DNAH17: variants seen among roughly 807,000 people sequenced by gnomAD.
DNAH17 encodes the protein dynein axonemal heavy chain 17, also known as axonemal beta dynein heavy chain 17.
Under a neutral mutation model 485.6 loss-of-function variants are expected in DNAH17, and 376 were observed. The observed-to-expected ratio is 0.77, with a 90% confidence interval of 0.71 to 0.84. The LOEUF (loss-of-function observed/expected upper bound fraction) is 0.84. Ranked by LOEUF, DNAH17 falls within the 40% of genes least tolerant of loss-of-function variation. The pLI is 0.00. For missense variants in DNAH17, 6,370 were observed against 5,839.3 expected (o/e 1.09, Z -2.96); for synonymous variants, 3,031 against 2,405.9 (o/e 1.26, Z -7.60).
At chr17:78,483,618 G>A (rs970602960) in intron 48 of DNAH17, among the ~76,000 whole-genome samples, 4 of 140,762 alleles carry the variant, frequency 2.8e-5, no homozygotes, top group African/African-American at 8.1e-5. Context: ...CAGCAAGAGC[G>A]AAACTCTGTC....
intron 75 of DNAH17, among the ~76,000 whole-genome samples, chr17:78,429,892 G>A (rs72907438): frequency 0.14 from 21,009 of 152,024 alleles, 1,622 homozygotes; most frequent in Middle Eastern, 0.2. Context: ...AGTAGCTCCC[G>A]TGCCTCCAGG....
At chr17:78,441,025 G>A (rs775593235) in intron 72 of DNAH17, 26 bp downstream of exon 72, 2 of 1,557,402 alleles carry the variant, frequency 1.3e-6, no homozygotes, top group Non-Finnish European at 1.7e-6. Context: ...CCGTCTTTGA[G>A]AACATCACTT....
At chr17:78,531,424 C>T (rs57713956) in intron 20 of DNAH17, among the ~76,000 whole-genome samples, 12,397 of 150,582 alleles carry the variant, frequency 0.082, 673 homozygotes, top group African/African-American at 0.15. Flanking sequence ...CTGCAAGCTC[C>T]GCCTCCTGGG....
intron 31 of DNAH17, among the ~76,000 whole-genome samples, chr17:78,503,407 G>A (rs1468261036): frequency 2.7e-4 from 40 of 148,106 alleles, no homozygotes; most frequent in African/African-American, 9.8e-4. Flanking sequence ...GGATGGTCTC[G>A]ATCTCCTGAC....
At chr17:78,530,784 G>T (rs528657124) in intron 20 of DNAH17, among the ~76,000 whole-genome samples, 23 of 152,200 alleles carry the variant, frequency 1.5e-4, no homozygotes, top group Non-Finnish European at 3.2e-4. Context: ...CTGAAGCTGG[G>T]TAGGACAGAA....
intron 25 of DNAH17, among the ~76,000 whole-genome samples, chr17:78,523,136 A>C (rs1378437016): frequency 6.9e-6 from 1 of 145,648 alleles, no homozygotes; most frequent in Non-Finnish European, 1.5e-5. Context: ...GATTATAGGC[A>C]TGAGCCACTA....
rs1226337189 is a variant in DNAH17 at position 78,494,751 on chromosome 17, C to T, written c.6112G>A (p.Asp2038Asn). ...ACCTGGTCCTCTGCCCGGCTGGGGT[C>T]GCCCCTCTTCAGGGAGCCGGCCACC... ...LVVAGSLKRG[D>N]PSRAEDQVLM... Residue 2038 changes from aspartate to asparagine, a missense_variant, in exon 40 of 81, where the codon GAC (aspartate) becomes AAC (asparagine). By Grantham distance (23) the Asp-to-Asn change is conservative. Transcript: ENST00000389840. 1.6e-5 allele frequency: 26 copies of T among 1,613,630 alleles called. No individual in the cohort carries two copies. The highest frequency in any genetic ancestry group is 1.8e-5 in the Non-Finnish European group (21 of 1,179,854).
intron 11 of DNAH17, 90 bp downstream of exon 11, chr17:78,566,524 G>A (rs1291061975): frequency 4.2e-6 from 4 of 956,088 alleles, no homozygotes; most frequent in Non-Finnish European, 6.5e-6. Context: ...ACATGGAGAG[G>A]ATGAAATGGT....
chr17:78,468,894 T>C lies in DNAH17; in HGVS notation c.8512-11A>G. ...AGCAGCGAGGTCAATCTGGACGGAG[T>C]GAGGACACGCTTAGGGGCCTTGGTA... On this transcript the variant is annotated splice_polypyrimidine_tract_variant and intron_variant, in intron 54 of 80. Transcript: ENST00000389840. The C allele has an allele frequency of 6.2e-7, 1 of 1,610,226 alleles. No individual in the cohort carries two copies. The highest frequency in any genetic ancestry group is 8.5e-7 in the Non-Finnish European group (1 of 1,178,578).
intron 54 of DNAH17, among the ~76,000 whole-genome samples, chr17:78,470,178 G>A (rs982063130): frequency 6.7e-6 from 1 of 148,166 alleles, no homozygotes; most frequent in Non-Finnish European, 1.5e-5. Flanking sequence ...GGTTCAAGGA[G>A]TTCTCCTGCC....
chr17:78,430,997 C>T (rs1235882712), intron 75 of DNAH17, among the ~76,000 whole-genome samples: 2 of 152,130 alleles, frequency 1.3e-5, no homozygotes, highest in African/African-American at 4.8e-5. Context: ...CCTCCCACTT[C>T]AGCCTCCCAA....
At chr17:78,463,303 TATTATC>T (rs1159497006) in intron 56 of DNAH17, among the ~76,000 whole-genome samples, 2 of 152,202 alleles carry the variant, frequency 1.3e-5, no homozygotes, top group African/African-American at 2.4e-5. Flanking sequence ...CAGCAGAGCT[TATTATC>T]ATTATCTCTG....
intron 69 of DNAH17, among the ~76,000 whole-genome samples, chr17:78,448,756 G>C (rs1281135159): frequency 6.6e-6 from 1 of 152,188 alleles, no homozygotes; most frequent in Non-Finnish European, 1.5e-5. Context: ...GAGTGGGTTT[G>C]TTACACAAGG....
chr17:78,544,837 G>A (rs1219024707), intron 16 of DNAH17, among the ~76,000 whole-genome samples: 4 of 137,460 alleles, frequency 2.9e-5, no homozygotes, highest in African/African-American at 5.3e-5. Flanking sequence ...TGGGGGTGGT[G>A]GCCACTTTTA....
rs553407485 is a variant in DNAH17 at position 78,459,274 on chromosome 17, A to G, written c.9654-66T>C. On this transcript the variant is annotated intron_variant, in intron 60 of 80. Coordinates refer to ENST00000389840, the MANE Select transcript of DNAH17 (RefSeq NM_173628.4). ...TGCTCTGGCAAAACGGGCCCAGAGAAGCTGAGTGTCTTGCCCAGGGTGGCA... is the reference window on the plus strand; with the variant it reads ...TGCTCTGGCAAAACGGGCCCAGAGAGGCTGAGTGTCTTGCCCAGGGTGGCA... 1.2e-4 allele frequency: 180 copies of G among 1,471,044 alleles called. No individual in the cohort carries two copies. In the African/African-American group the frequency reaches 2.0e-3, roughly 17 times the overall value. The allele number at this position is 1,471,044 out of a possible 1,614,324, so 91.1% of individuals were successfully genotyped here.
chr17:78,571,154 A>AGG (rs2092352175), intron 5 of DNAH17, 121 bp from the exon 6 acceptor site: 10 of 1,268,964 alleles, frequency 7.9e-6, no homozygotes, highest in African/African-American at 3.0e-5. Context: ...TCTCAAGTGG[A>AGG]GGGGGCTGAG....
At chr17:78,550,808 C>G (rs1460232132) in intron 16 of DNAH17, among the ~76,000 whole-genome samples, 2 of 152,156 alleles carry the variant, frequency 1.3e-5, no homozygotes, top group African/African-American at 4.8e-5. Context: ...CTGACCTGGA[C>G]AAGATCATTG....
At chr17:78,467,666 G>A (rs1457742751) in intron 55 of DNAH17, among the ~76,000 whole-genome samples, 2 of 152,162 alleles carry the variant, frequency 1.3e-5, no homozygotes, top group Non-Finnish European at 1.5e-5. Context: ...ACTGAACTCT[G>A]GAGAGGACGG....
intron 27 of DNAH17, among the ~76,000 whole-genome samples, chr17:78,508,794 A>T (rs889810443): frequency 6.6e-6 from 1 of 151,922 alleles, no homozygotes; most frequent in African/African-American, 2.4e-5. Flanking sequence ...TCTATTTTTT[A>T]TTTTTATTTT....
Sources: gnomAD v4.1 joint callset for allele counts (sites outside exome capture counted in the v4.1 genomes callset) on GRCh38, gnomAD v4.1.1 for gene constraint, MANE v1.5 for transcripts, NCBI Gene and HGNC (gene_info 2026-07-23, HGNC 2026-07-21) for gene names.